The following NAV2 variants were observed in gnomAD, a reference collection of about 807,000 sequenced individuals.
The protein encoded by NAV2 is helicase, APC down-regulated 1.
Under a neutral mutation model 223.2 loss-of-function variants are expected in NAV2, and 54 were observed. The observed-to-expected ratio is 0.24, with a 90% CI of 0.19 to 0.30. The LOEUF is 0.30. Ranked by LOEUF, NAV2 falls within the 10% of genes least tolerant of loss-of-function variation. The pLI is 1.00. For synonymous variants in NAV2, 1,279 were observed against 1,239.3 expected, an observed-to-expected ratio of 1.03 and a Z score of -0.67; for missense variants, 2,806 against 3,147.5, an observed-to-expected ratio of 0.89 and a Z score of 2.60.
chr11:19,419,866 G>A (rs545006718), intron 1 of NAV2, among the ~76,000 whole-genome samples: 17 of 152,336 alleles, frequency 1.1e-4, no homozygotes, highest in Admixed American at 7.2e-4. Context: ...TACTTGGAAA[G>A]TTATGTAAGC....
At chr11:19,498,146 C>T (rs2042856776) in intron 1 of NAV2, among the ~76,000 whole-genome samples, 1 of 152,220 alleles carries the variant, frequency 6.6e-6, no homozygotes, top group South Asian at 2.1e-4. Context: ...GCCCTGATGG[C>T]TCCAGTCTCT....
intron 1 of NAV2, among the ~76,000 whole-genome samples, chr11:19,765,964 G>C (rs937325716): frequency 1.3e-5 from 2 of 152,040 alleles, no homozygotes; most frequent in Admixed American, 6.6e-5. Context: ...TGCCAGCCTA[G>C]CATCAGCTCT....
At chr11:19,888,007 T>TC (rs1219527804) in intron 5 of NAV2, among the ~76,000 whole-genome samples, 1 of 151,530 alleles carries the variant, frequency 6.6e-6, no homozygotes, top group Non-Finnish European at 1.5e-5. Flanking sequence ...CGGGATGCAC[T>TC]CGTAGGTTAT....
Position 19,983,857 on chromosome 11 carries a change from G to T in NAV2, c.2646-268G>T, listed in dbSNP as rs10500865. On this transcript the variant is annotated intron_variant, in intron 10 of 37. Transcript: ENST00000349880. ...CAGTTAATTTTATTCCCTAGTTCCCGTCTGCGTCGTAGGTACCTGTGAGTT... is the reference window on the plus strand; with the variant it reads ...CAGTTAATTTTATTCCCTAGTTCCCTTCTGCGTCGTAGGTACCTGTGAGTT... Among the ~76,000 whole-genome samples the T allele has an allele frequency of 0.047, 7,204 of 152,196 alleles. 541 individuals are homozygous for T. The highest frequency in any genetic ancestry group is 0.16 in the African/African-American group (6,762 of 41,494).
At chr11:19,950,315 A>G (rs1038764099) in intron 10 of NAV2, among the ~76,000 whole-genome samples, 41 of 152,154 alleles carry the variant, frequency 2.7e-4, no homozygotes, top group African/African-American at 4.3e-4. Context: ...CTTTACTTTT[A>G]TACTCTCTTG....
chr11:19,512,996 G>A lies in NAV2; in HGVS notation c.75+161969G>A, dbSNP rs58784192. ...ATATGTAGGGGAGCCCAAGAAGGAC[G>A]ATACGTAACTCTACCTGCACAGAGA... On this transcript the variant is annotated intron_variant, in intron 1 of 37. Coordinates refer to the NAV2 transcript ENST00000360655. Among the ~76,000 whole-genome samples the A allele has an allele frequency of 6.0e-3, 915 of 152,020 alleles. 11 individuals carry two copies. The highest frequency in any genetic ancestry group is 0.021 in the African/African-American group (857 of 41,286).
At chr11:19,875,389 T>C (rs943528452) in intron 4 of NAV2, among the ~76,000 whole-genome samples, 1 of 152,230 alleles carries the variant, frequency 6.6e-6, no homozygotes, top group Non-Finnish European at 1.5e-5. Context: ...AGGTGTTGAA[T>C]ATTATATGTA....
rs11605004 is a variant in NAV2, at chr11:19,691,267, A to G, written c.76-141217A>G. On this transcript the variant is annotated intron_variant, in intron 1 of 37. Coordinates refer to the NAV2 transcript ENST00000360655. Reference sequence around the variant, plus strand: ...CCACATTAAAAAACAGAAAAAAAAAACAGATGACATTCATTATAGCAAATG... The same window carrying G: ...CCACATTAAAAAACAGAAAAAAAAAGCAGATGACATTCATTATAGCAAATG... Among the ~76,000 whole-genome samples, 82 of 151,502 alleles carry G rather than the reference A, an allele frequency of 5.4e-4. No individual in the cohort carries two copies. In the East Asian group the frequency reaches 0.013, roughly 24 times the overall value.
At chr11:19,513,825 C>A (rs2043355153) in intron 1 of NAV2, among the ~76,000 whole-genome samples, 1 of 152,154 alleles carries the variant, frequency 6.6e-6, no homozygotes, top group South Asian at 2.1e-4. Flanking sequence ...ATGGGATGGG[C>A]AACTCTGTGC....
chr11:20,098,804 C>T (rs1363231927), intron 31 of NAV2, among the ~76,000 whole-genome samples: 2 of 152,208 alleles, frequency 1.3e-5, no homozygotes, highest in African/African-American at 4.8e-5. Flanking sequence ...TGTATGGGCT[C>T]ATGGCCTTGG....
intron 19 of NAV2, among the ~76,000 whole-genome samples, chr11:20,057,496 GC>G (rs1255708513): frequency 5.3e-5 from 8 of 152,270 alleles, no homozygotes; most frequent in Admixed American, 2.6e-4. Flanking sequence ...AGATTTAAGA[GC>G]TAGAAATTAA....
intron 18 of NAV2, among the ~76,000 whole-genome samples, chr11:20,054,470 C>T (rs1192015193): frequency 1.3e-5 from 2 of 151,944 alleles, no homozygotes; most frequent in Middle Eastern, 6.8e-3. Context: ...GATTAGCCCT[C>T]GGCAATATAG....
At position 20,077,649 on chromosome 11, in the gene NAV2, G is replaced by A. The variant is rs772420855; in HGVS notation, c.5067+14G>A. Reference sequence around the variant, plus strand: ...GCTGAGCAGAAGGTAAGGCAGAAAGGATACTTTAACCCTCCCTACTTGGAG... The same window carrying A: ...GCTGAGCAGAAGGTAAGGCAGAAAGAATACTTTAACCCTCCCTACTTGGAG... On this transcript the variant is annotated intron_variant, in intron 23 of 37. Transcript: ENST00000349880. The A allele has an allele frequency of 1.1e-5, 18 of 1,606,352 alleles. No homozygotes were observed. The highest frequency in any genetic ancestry group is 2.7e-5 in the African/African-American group (2 of 74,772).
intron 3 of NAV2, among the ~76,000 whole-genome samples, chr11:19,844,147 G>A (rs1041266488): frequency 3.2e-4 from 49 of 152,272 alleles, no homozygotes. Flanking sequence ...TGGAAAAGCT[G>A]GGCTGCTATT....
intron 1 of NAV2, among the ~76,000 whole-genome samples, chr11:19,671,902 T>A (rs867831610): frequency 6.6e-6 from 1 of 152,170 alleles, no homozygotes; most frequent in African/African-American, 2.4e-5. Flanking sequence ...GGTCTACATG[T>A]GGGGAATTCA....
chr11:19,401,489 C>T (rs982671288), intron 1 of NAV2, among the ~76,000 whole-genome samples: 1 of 152,186 alleles, frequency 6.6e-6, no homozygotes, highest in African/African-American at 2.4e-5. Context: ...TATGAAATCA[C>T]AACTGTGCAG....
chr11:19,984,102 A>G (rs1384734621), intron 10 of NAV2, 23 bp from the exon 11 acceptor site: 3 of 1,613,912 alleles, frequency 1.9e-6, no homozygotes, highest in Admixed American at 1.7e-5. Context: ...ATTCATGTGC[A>G]TCATCTTCTT....
At chr11:19,988,492 A>T (rs1240205574) in intron 11 of NAV2, among the ~76,000 whole-genome samples, 1 of 152,188 alleles carries the variant, frequency 6.6e-6, no homozygotes, top group Non-Finnish European at 1.5e-5. Flanking sequence ...AACAAAATGA[A>T]AATCGCCCTC....
At chr11:19,374,148 G>A (rs556492873) in intron 1 of NAV2, among the ~76,000 whole-genome samples, 6 of 151,944 alleles carry the variant, frequency 3.9e-5, no homozygotes, top group African/African-American at 9.7e-5. Flanking sequence ...TCTCTTTCTC[G>A]AAAACACATG....
Sources: gnomAD v4.1 joint callset for allele counts (sites outside exome capture counted in the v4.1 genomes callset) on GRCh38, gnomAD v4.1.1 for gene constraint, MANE v1.5 for transcripts, NCBI Gene and HGNC (gene_info 2026-07-23, HGNC 2026-07-21) for gene names.